GRM5: variants seen among roughly 807,000 people sequenced by gnomAD.
GRM5 encodes metabotropic glutamate receptor 5.
A neutral mutation model predicts 83.1 loss-of-function variants in GRM5; 19 were observed. That is an observed-to-expected ratio of 0.23 (90% CI 0.16 to 0.34). The LOEUF is 0.34. Among genes scored for constraint, GRM5 ranks in the 10% least tolerant of loss-of-function variants. The probability of loss-of-function intolerance (pLI) is 1.00; values close to 1 mark genes in which losing one functional copy is unlikely to be tolerated. For missense variants in GRM5, 1,160 were observed against 1,588.3 expected, an observed-to-expected ratio of 0.73 and a Z score of 4.58; for synonymous variants, 675 against 633.6, an observed-to-expected ratio of 1.07 and a Z score of -0.98.
At chr11:89,009,930 A>AC (rs1940650619) in intron 2 of GRM5, among the ~76,000 whole-genome samples, 3 of 100,144 alleles carry the variant, frequency 3.0e-5, no homozygotes, top group African/African-American at 9.2e-5. Context: ...AAAAAAAAAA[A>AC]CACACACAAA....
chr11:89,063,587 T>A (rs1425252675), intron 1 of GRM5: 1 of 152,180 alleles, frequency 6.6e-6, no homozygotes, highest in Non-Finnish European at 1.5e-5. Context: ...AGTCCCCGGC[T>A]TCCCCCCCAA....
At chr11:88,878,947 C>T (rs1392259389) in intron 2 of GRM5, among the ~76,000 whole-genome samples, 2 of 152,144 alleles carry the variant, frequency 1.3e-5, no homozygotes, top group East Asian at 1.9e-4. Flanking sequence ...GCACAAATTA[C>T]GTTTAGGCAA....
At chr11:88,988,068 C>T (rs1204914885) in intron 2 of GRM5, among the ~76,000 whole-genome samples, 413 of 144,872 alleles carry the variant, frequency 2.9e-3, no homozygotes, top group Middle Eastern at 0.015. Context: ...CTCTGAGCTA[C>T]GGGAGGACAT....
intron 3 of GRM5, among the ~76,000 whole-genome samples, chr11:88,768,485 A>G (rs2135446972): frequency 6.6e-6 from 1 of 152,038 alleles, no homozygotes; most frequent in African/African-American, 2.4e-5. Context: ...ATAGAGGTTC[A>G]CTTTTACAAG....
chr11:88,833,304 AT>A, intron 3 of GRM5, among the ~76,000 whole-genome samples: 1 of 152,200 alleles, frequency 6.6e-6, no homozygotes, highest in Admixed American at 6.5e-5. Flanking sequence ...AATACAAATA[AT>A]TGCATGAAAA....
At chr11:88,896,501 ATCTG>A (rs149569225) in intron 2 of GRM5, among the ~76,000 whole-genome samples, 2,890 of 132,858 alleles carry the variant, frequency 0.022, 48 homozygotes, top group East Asian at 0.08. Flanking sequence ...TTATCTATCT[ATCTG>A]TCTATCTATT....
At chr11:88,725,599 T>G (rs1242820300) in intron 3 of GRM5, among the ~76,000 whole-genome samples, 1 of 152,044 alleles carries the variant, frequency 6.6e-6, no homozygotes, top group Non-Finnish European at 1.5e-5. Flanking sequence ...GGGAGACACC[T>G]CCCATCAGGG....
chr11:88,511,355 A>T (rs1941364489), intron 9 of GRM5, among the ~76,000 whole-genome samples: 1 of 152,146 alleles, frequency 6.6e-6, no homozygotes, highest in South Asian at 2.1e-4. Flanking sequence ...TCTGTCTGAG[A>T]AACCCACTCC....
chr11:88,511,169 A>G (rs1420456887), intron 9 of GRM5, among the ~76,000 whole-genome samples: 1 of 152,108 alleles, frequency 6.6e-6, no homozygotes, highest in Admixed American at 6.6e-5. Context: ...TTTGTTTCTC[A>G]GATTCTTTCA....
chr11:88,584,750 C>A (rs1943280922), intron 7 of GRM5, among the ~76,000 whole-genome samples: 1 of 152,128 alleles, frequency 6.6e-6, no homozygotes, highest in African/African-American at 2.4e-5. Flanking sequence ...GGCACATTTT[C>A]TTTCATATTC....
chr11:88,889,853 A>G lies in GRM5; in HGVS notation c.662-39698T>C, dbSNP rs574633883. Among the ~76,000 whole-genome samples the G allele has an allele frequency of 1.3e-4, 20 of 152,208 alleles. No individual in the cohort carries two copies. The East Asian group carries it at 3.7e-3, about 28-fold the overall frequency. On this transcript the variant is annotated intron_variant, in intron 2 of 9. Coordinates refer to ENST00000305447, the MANE Select transcript of GRM5 (RefSeq NM_001143831.3). The stretch of plus-strand genomic sequence containing the variant: ...GACCCCATTGTGGGGAAAAAAGCAA[A>G]CAAACAAACAAAAAAAACCCTTTCT...
At chr11:89,005,998 G>A (rs542292088) in intron 2 of GRM5, among the ~76,000 whole-genome samples, 8 of 152,246 alleles carry the variant, frequency 5.3e-5, no homozygotes, top group African/African-American at 1.7e-4. Context: ...AGCAAAGACC[G>A]GAAGCATAAA....
At chr11:88,883,515 G>A (rs1944994635) in intron 2 of GRM5, among the ~76,000 whole-genome samples, 1 of 152,126 alleles carries the variant, frequency 6.6e-6, no homozygotes, top group African/African-American at 2.4e-5. Context: ...AGGTGACAGG[G>A]CATAAAAGTT....
intron 3 of GRM5, among the ~76,000 whole-genome samples, chr11:88,654,832 C>T (rs553173335): frequency 7.3e-5 from 11 of 151,626 alleles, no homozygotes; most frequent in Non-Finnish European, 1.5e-4. Flanking sequence ...AAATCAGTGC[C>T]GAGAAAGTAT....
intron 7 of GRM5, among the ~76,000 whole-genome samples, chr11:88,570,322 A>G (rs890098728): frequency 1.1e-4 from 16 of 151,848 alleles, no homozygotes; most frequent in African/African-American, 3.6e-4. Context: ...CTCAGACTAA[A>G]TATAACTAAA....
At chr11:88,713,618 T>C (rs375916475) in intron 3 of GRM5, among the ~76,000 whole-genome samples, 1 of 152,162 alleles carries the variant, frequency 6.6e-6, no homozygotes, top group African/African-American at 2.4e-5. Context: ...TGTTTTCTTG[T>C]ACACTCAAAT....
intron 1 of GRM5, among the ~76,000 whole-genome samples, chr11:89,060,011 T>C (rs1369416989): frequency 6.6e-6 from 1 of 152,056 alleles, no homozygotes; most frequent in African/African-American, 2.4e-5. Flanking sequence ...GTCACACAAG[T>C]AGTAAGCCAC....
intron 3 of GRM5, among the ~76,000 whole-genome samples, chr11:88,748,163 T>C (rs957880434): frequency 1.3e-5 from 2 of 152,058 alleles, no homozygotes; most frequent in Admixed American, 1.3e-4. Flanking sequence ...CCCTATGAGG[T>C]GATCCCCACC....
At chr11:88,927,491 A>G (rs552596436) in intron 2 of GRM5, among the ~76,000 whole-genome samples, 2 of 152,198 alleles carry the variant, frequency 1.3e-5, no homozygotes, top group Non-Finnish European at 2.9e-5. Context: ...AAAGGCCTAA[A>G]TATTTTAAAT....
Sources: gnomAD v4.1 joint callset for allele counts (sites outside exome capture counted in the v4.1 genomes callset) on GRCh38, gnomAD v4.1.1 for gene constraint, MANE v1.5 for transcripts, NCBI Gene and HGNC (gene_info 2026-07-23, HGNC 2026-07-21) for gene names.